The following ARAP1 variants were observed in gnomAD, a reference collection of about 807,000 sequenced individuals.
The protein encoded by ARAP1 is arf-GAP with Rho-GAP domain, ANK repeat and PH domain-containing protein 1.
ARAP1 carries 76 observed loss-of-function variants against 172.2 expected under a neutral mutation model. That is an observed-to-expected ratio of 0.44 (90% CI 0.37 to 0.53). ARAP1 has a LOEUF of 0.53. Among genes scored for constraint, ARAP1 ranks in the 20% least tolerant of loss-of-function variants. The pLI is 0.00. For synonymous variants in ARAP1, 804 were observed against 803.3 expected (o/e 1.00, Z -0.01); for missense variants, 1,686 against 1,977.5 (o/e 0.85, Z 2.80).
At position 72,710,076 on chromosome 11, in the gene ARAP1, G is replaced by C. The variant is rs781172594; in HGVS notation, c.1417-100C>G. On this transcript the variant is annotated intron_variant, in intron 10 of 34. Coordinates refer to ENST00000393609, the MANE Select transcript of ARAP1 (RefSeq NM_001040118.3). The surrounding 1 kb of genome is among the most constrained non-coding windows in gnomAD (Gnocchi z 4.3). Reference sequence around the variant, plus strand: ...GGAAGGTGGTGCAACTCAGGGACTGGGGGGGGTGCCCAGGAGGGAGACAGC... The same window carrying C: ...GGAAGGTGGTGCAACTCAGGGACTGCGGGGGGTGCCCAGGAGGGAGACAGC... 151 of 1,104,136 alleles carry C rather than the reference G, an allele frequency of 1.4e-4. No homozygotes were observed. The Admixed American group carries it at 2.3e-3, about 17-fold the overall frequency. 68.4% of individuals were successfully genotyped at this position (1,104,136 alleles called of 1,614,324 possible).
Position 72,725,764 on chromosome 11 carries a change from C to T in ARAP1, c.509+856G>A, listed in dbSNP as rs1857668753. Among the ~76,000 whole-genome samples the T allele has an allele frequency of 6.6e-6, 1 of 152,130 alleles. No individual in the cohort carries two copies. Among genetic ancestry groups the T allele is most frequent in the African/African-American group, 2.4e-5 (1 of 41,404 alleles). On this transcript the variant is annotated intron_variant, in intron 3 of 34. Transcript: ENST00000393609. The surrounding 1 kb of genome is among the most constrained non-coding windows in gnomAD (Gnocchi z 4.3). ...AGGGATCATGGAGACCATAGAAACA[C>T]AGAGCCCAGCAGAGTGCCCAGCAAT...
rs558010391 is a variant in ARAP1, at chr11:72,712,535, C to G, written c.781G>C (p.Val261Leu). The G allele has an allele frequency of 6.2e-7, 1 of 1,613,568 alleles. No individual in the cohort carries two copies. Among genetic ancestry groups the G allele is most frequent in the African/African-American group, 1.3e-5 (1 of 75,014 alleles). The change falls in exon 6 of 35, where the codon GTG becomes CTG. Residue 261 changes from valine (V) to leucine (L), a missense_variant. Physicochemically the swap from Val to Leu is conservative, Grantham distance 32. This residue lies in a region of ARAP1 where 688 missense variants were observed against 856.9 expected (regional missense o/e 0.80). Transcript: ENST00000393609. The stretch of plus-strand genomic sequence containing the variant: ...TCGCTCAGCAGACTGGCCACGCGCA[C>G]GGCCCGTGGGACTCGGCTCGGTGGG... ...EPPPSRVPRA[V>L]RVASLLSEGE... is the part of the protein sequence containing the mutation.
rs1210643334 is a variant in ARAP1, at chr11:72,725,972, C to A, written c.509+648G>T. ...CCCAGCAGATGGCAGGAAGGGAGGG[C>A]GTCTGTGAAGGAGATTAACATGGAA... On this transcript the variant is annotated intron_variant, in intron 3 of 34. Coordinates refer to ENST00000393609, the MANE Select transcript of ARAP1 (RefSeq NM_001040118.3). This position sits in a 1 kb window ranked among gnomAD's most constrained non-coding sequence, Gnocchi z 4.3. 6.6e-6 allele frequency among the ~76,000 whole-genome samples: 1 copy of A among 152,048 alleles called. No homozygotes were observed. The highest frequency in any genetic ancestry group is 2.4e-5 in the African/African-American group (1 of 41,388).
Position 72,705,871 on chromosome 11 carries a change from G to A in ARAP1, c.1743C>T (p.Gly581=), listed in dbSNP as rs763708591. 2.7e-5 allele frequency: 43 copies of A among 1,613,960 alleles called. No individual in the cohort carries two copies. The highest frequency in any genetic ancestry group is 1.9e-4 in the South Asian group (17 of 91,084). ...GGCTCCGCACCTTGGAGACGCCAGC[G>A]CCCAGGCCACGGTGCTCCCCTGTAG... The part of the protein sequence containing the change: ...KRCAGEHRGL[G]AGVSKVRSLK... The change falls in exon 13 of 35, where the codon GGC becomes GGT. Residue 581 remains glycine (G), a synonymous_variant. Transcript: ENST00000393609.
chr11:72,721,987 C>T, intron 3 of ARAP1: 1 of 986,068 alleles, frequency 1.0e-6, no homozygotes, highest in Non-Finnish European at 1.2e-6. Flanking sequence ...CAGCCTGGCC[C>T]CTGGCCCCTG....
chr11:72,685,628 C>A lies in ARAP1; in HGVS notation c.*36G>T. 2 of 1,614,084 alleles carry A rather than the reference C, an allele frequency of 1.2e-6. No individual in the cohort carries two copies. The highest frequency in any genetic ancestry group is 1.7e-6 in the Non-Finnish European group (2 of 1,179,944). On this transcript the variant is annotated 3_prime_UTR_variant, in exon 35 of 35. Coordinates refer to ENST00000393609, the MANE Select transcript of ARAP1 (RefSeq NM_001040118.3). ...GGGTGTCTGAACAGAAGGCTTCCAG[C>A]GGCGGAATCCTAGAGCCAAGGATGG...
Position 72,707,227 on chromosome 11 carries a change from C to T in ARAP1, c.1671G>A (p.Gln557=). The change falls in exon 12 of 35, where the codon CAG becomes CAA. Residue 557 remains glutamine (Q), a synonymous_variant. Transcript: ENST00000393609. ...NRFCADCGAP[Q]PDWASINLCV... is the part of the protein sequence containing the mutation. ...AGAGGTTGATGGAGGCCCAGTCAGG[C>T]TGAGGAGCCCCGCAGTCAGCACAGA... 1.2e-6 allele frequency: 2 copies of T among 1,607,060 alleles called. No homozygotes were observed. The highest frequency in any genetic ancestry group is 1.3e-5 in the African/African-American group (1 of 74,912).
intron 32 of ARAP1, 75 bp from the exon 33 acceptor site, chr11:72,687,577 C>T: frequency 6.2e-7 from 1 of 1,613,014 alleles, no homozygotes; most frequent in Non-Finnish European, 8.5e-7. Flanking sequence ...GCCTTCCCAG[C>T]CCAGGGTCTG....
At chr11:72,720,101 C>G (rs1474780232) in intron 3 of ARAP1, among the ~76,000 whole-genome samples, 1 of 152,182 alleles carries the variant, frequency 6.6e-6, no homozygotes, top group African/African-American at 2.4e-5. Flanking sequence ...CACCTCCCCA[C>G]AAGATGTCAC....
At chr11:72,713,619 G>A (rs557934773) in intron 4 of ARAP1, among the ~76,000 whole-genome samples, 3 of 152,196 alleles carry the variant, frequency 2.0e-5, no homozygotes, top group South Asian at 2.1e-4. Context: ...AGGCTGAGGT[G>A]GGCAGATCAC....
intron 1 of ARAP1, among the ~76,000 whole-genome samples, chr11:72,749,820 A>G (rs1858482222): frequency 6.6e-6 from 1 of 151,840 alleles, no homozygotes; most frequent in African/African-American, 2.4e-5. Context: ...AGGTGGAGCC[A>G]AGATTGTGCC....
At chr11:72,712,953 GCCAGGGCCTGGGGGAGCCACA>G in intron 5 of ARAP1, 4 of 609,960 alleles carry the variant, frequency 6.6e-6, no homozygotes, top group Admixed American at 3.0e-5. Flanking sequence ...CCCACATACA[GCCAGGGCCTGGGGGAGCCACA>G]CCAGAGCCCC....
At position 72,726,064 on chromosome 11, in the gene ARAP1, T is replaced by C. The variant is rs1349717320; in HGVS notation, c.509+556A>G. Among the ~76,000 whole-genome samples the C allele has an allele frequency of 6.6e-6, 1 of 152,016 alleles. No homozygotes were observed. The highest frequency in any genetic ancestry group is 1.5e-5 in the Non-Finnish European group (1 of 67,980). ...CCAGAAGCCCCAGAGGGGAAACAGT[T>C]CTGAGGAGGGAGGGCATGCCAGATG... On this transcript the variant is annotated intron_variant, in intron 3 of 34. Coordinates refer to ENST00000393609, the MANE Select transcript of ARAP1 (RefSeq NM_001040118.3). The surrounding 1 kb of genome is among the most constrained non-coding windows in gnomAD (Gnocchi z 6.5).
At chr11:72,706,483 C>A (rs1219352186) in intron 12 of ARAP1, among the ~76,000 whole-genome samples, 1 of 152,038 alleles carries the variant, frequency 6.6e-6, no homozygotes, top group Non-Finnish European at 1.5e-5. Context: ...TCCCCAGCAT[C>A]TGGCACACAG....
chr11:72,701,882 A>G (rs1856499278), intron 15 of ARAP1, 99 bp from the exon 16 acceptor site: 1 of 1,470,668 alleles, frequency 6.8e-7, no homozygotes, highest in Non-Finnish European at 9.2e-7. Context: ...TCACTTTCGA[A>G]TCATCAGCCC....
intron 14 of ARAP1, 116 bp downstream of exon 14, chr11:72,704,036 A>G: frequency 7.3e-7 from 1 of 1,375,588 alleles, no homozygotes; most frequent in Non-Finnish European, 1.0e-6. Context: ...CAGTTTCCCC[A>G]TATGCCAAGA....
intron 14 of ARAP1, 52 bp downstream of exon 14, chr11:72,704,100 A>T: frequency 6.2e-7 from 1 of 1,608,674 alleles, no homozygotes; most frequent in Non-Finnish European, 8.5e-7. Flanking sequence ...GGAACAGGGC[A>T]GCAGAAAGAC....
chr11:72,690,502 C>T (rs1855892840), intron 30 of ARAP1, among the ~76,000 whole-genome samples: 1 of 152,198 alleles, frequency 6.6e-6, no homozygotes, highest in Non-Finnish European at 1.5e-5. Flanking sequence ...CATCCTCCCA[C>T]TTCAGCCTCC....
In ARAP1 at chr11:72,712,187, C is replaced by A; in HGVS notation, c.1022+9G>T. 6.3e-7 allele frequency: 1 copy of A among 1,591,460 alleles called. No homozygotes were observed. The highest frequency in any genetic ancestry group is 8.5e-7 in the Non-Finnish European group (1 of 1,171,982). ...CAGAGCACAGCAGGACCCAAGAGGCCTCACTCACCCCTGCGGTGGGTTCTT... is the reference window on the plus strand; with the variant it reads ...CAGAGCACAGCAGGACCCAAGAGGCATCACTCACCCCTGCGGTGGGTTCTT... On this transcript the variant is annotated intron_variant, in intron 7 of 34. Coordinates refer to ENST00000393609, the MANE Select transcript of ARAP1 (RefSeq NM_001040118.3).
Sources: gnomAD v4.1 joint callset for allele counts (sites outside exome capture counted in the v4.1 genomes callset) on GRCh38, gnomAD v4.1.1 for gene constraint, gnomAD v4.1.1 regional missense constraint, Gnocchi (gnomAD v3.1) non-coding constraint, MANE v1.5 for transcripts, NCBI Gene and HGNC (gene_info 2026-07-23, HGNC 2026-07-21) for gene names.